Variants in COL4A5 observed in about 807,000 individuals in gnomAD.
COL4A5 encodes the protein collagen alpha-5(IV) chain.
A neutral mutation model predicts 130.2 loss-of-function variants in COL4A5; 26 were observed. The ratio of observed to expected loss-of-function variants is 0.20; its 90% CI spans 0.15 to 0.28. The LOEUF is 0.28. Among genes scored for constraint, COL4A5 ranks in the 10% least tolerant of loss-of-function variants. The probability of loss-of-function intolerance (pLI) is 1.00; values close to 1 mark genes in which losing one functional copy is unlikely to be tolerated. For synonymous variants in COL4A5, 496 were observed against 439.6 expected, an observed-to-expected ratio of 1.13 and a Z score of -1.60; for missense variants, 1,131 against 1,344.3, an observed-to-expected ratio of 0.84 and a Z score of 2.48.
At chrX:108,661,090 A>G (rs1009109665) in intron 37 of COL4A5, among the ~76,000 whole-genome samples, 1 of 112,295 alleles carries the variant, frequency 8.9e-6, no homozygotes, top group Non-Finnish European at 1.9e-5. Flanking sequence ...TATACGGCCT[A>G]AATGTATAAT....
rs761943626 is a variant in COL4A5 at position 108,439,968 on chromosome X, T to C, written c.-158T>C. 1.4e-4 allele frequency: 62 copies of C among 450,528 alleles called. No individual in the cohort carries two copies. In the South Asian group the frequency reaches 1.8e-3, roughly 13 times the overall value. The allele number at this position is 450,528 out of a possible 1,213,427, so 37.1% of individuals were successfully genotyped here. A position where few individuals can be genotyped will look rare whatever the true frequency, so the allele number is the denominator to read the frequency against. ...CTCCTTCTTCTTCTTCTTTTTTTTT[T>C]CTTCCACTCTTAAAAAGCTTCTTTC... On this transcript the variant is annotated 5_prime_UTR_variant, in exon 1 of 53. Transcript: ENST00000328300.
intron 1 of COL4A5, among the ~76,000 whole-genome samples, chrX:108,473,595 T>TTATATATATATATATG (rs1569474829): frequency 6.7e-5 from 4 of 59,560 alleles, no homozygotes; most frequent in Admixed American, 1.7e-4. Flanking sequence ...ATATAAAGTT[T>TTATATATATATATATG]TATATATATA....
chrX:108,481,626 T>G (rs1257897843), intron 1 of COL4A5, among the ~76,000 whole-genome samples: 1 of 111,895 alleles, frequency 8.9e-6, no homozygotes. Context: ...GCTGCTTCGC[T>G]TTTGCTGTCC....
intron 36 of COL4A5, 117 bp downstream of exon 36, chrX:108,626,466 A>G (rs769551357): frequency 2.5e-5 from 29 of 1,166,556 alleles, no homozygotes; most frequent in Admixed American, 1.4e-4. Flanking sequence ...TATATTCTGG[A>G]TAAGAGATTT....
At chrX:108,481,486 A>G (rs1201280155) in intron 1 of COL4A5, among the ~76,000 whole-genome samples, 2 of 111,853 alleles carry the variant, frequency 1.8e-5, no homozygotes, top group Admixed American at 9.5e-5. Context: ...GCTTTTGTCT[A>G]TTCAACCTAG....
Position 108,626,286 on chromosome X carries a change from G to A in COL4A5, c.3183G>A (p.Gln1061=), listed in dbSNP as rs1754941695. 8.3e-7 allele frequency: 1 copy of A among 1,211,083 alleles called. No individual in the cohort carries two copies. The part of the protein sequence containing the change: ...GQPGSPGLPG[Q]KGDKGDPGIS... Reference sequence around the variant, plus strand: ...CTGGCTCCCCAGGATTACCTGGACAGAAAGGCGACAAAGGTGATCCTGGTA... The same window carrying A: ...CTGGCTCCCCAGGATTACCTGGACAAAAAGGCGACAAAGGTGATCCTGGTA... Residue 1061 remains glutamine, a synonymous_variant, in exon 36 of 53, where the codon CAG becomes CAA. Transcript: ENST00000328300.
chrX:108,582,352 C>T (rs1444645282), intron 16 of COL4A5: 2 of 112,456 alleles, frequency 1.8e-5, no homozygotes, highest in African/African-American at 6.5e-5. Flanking sequence ...AGGCTGTTCT[C>T]TTGTTCTCTG....
Position 108,591,619 on chromosome X carries a change from A to T in COL4A5, c.1398A>T (p.Gly466=). 8.3e-7 allele frequency: 1 copy of T among 1,205,812 alleles called. No homozygotes were observed. The highest frequency in any genetic ancestry group is 1.1e-6 in the Non-Finnish European group (1 of 890,346). Residue 466 remains glycine, a synonymous_variant, in exon 21 of 53, where the codon GGA becomes GGT. Transcript: ENST00000328300. Reference sequence around the variant, plus strand: ...CCCCAGGATCTCCAGGTGATAAAGGACTCCAAGGAGAACAAGGAGTGAAAG... The same window carrying T: ...CCCCAGGATCTCCAGGTGATAAAGGTCTCCAAGGAGAACAAGGAGTGAAAG... ...PGPPGSPGDK[G]LQGEQGVKGD...
At chrX:108,647,488 C>T (rs1194143000) in intron 36 of COL4A5, among the ~76,000 whole-genome samples, 7 of 111,123 alleles carry the variant, frequency 6.3e-5, no homozygotes, top group Admixed American at 3.8e-4. Context: ...GGGGCTGAGA[C>T]GATGGGGTTT....
At chrX:108,691,510 CAT>C in intron 49 of COL4A5, among the ~76,000 whole-genome samples, 2 of 110,590 alleles carry the variant, frequency 1.8e-5, no homozygotes, top group South Asian at 7.4e-4. Flanking sequence ...ATTTATAATA[CAT>C]ATATTTTTAT....
At chrX:108,616,138 T>C (rs748680142) in intron 30 of COL4A5, among the ~76,000 whole-genome samples, 39 of 111,650 alleles carry the variant, frequency 3.5e-4, no homozygotes, top group African/African-American at 1.2e-3. Context: ...TTATCACTTA[T>C]GGAAAAAACA....
intron 36 of COL4A5, among the ~76,000 whole-genome samples, chrX:108,641,264 A>C: frequency 8.9e-6 from 1 of 111,883 alleles, no homozygotes; most frequent in Non-Finnish European, 1.9e-5. Context: ...TCTGCACAGA[A>C]ACTTGTACTT....
At chrX:108,469,055 A>G (rs190781187) in intron 1 of COL4A5, among the ~76,000 whole-genome samples, 228 of 100,232 alleles carry the variant, frequency 2.3e-3, no homozygotes, top group Middle Eastern at 0.01. Context: ...CAGATTTTCT[A>G]TTTTTTCTTG....
chrX:108,536,816 T>C (rs1435374696), intron 1 of COL4A5, among the ~76,000 whole-genome samples: 3 of 111,835 alleles, frequency 2.7e-5, no homozygotes, highest in African/African-American at 9.7e-5. Context: ...GATCATATTG[T>C]CTATGTATGC....
chrX:108,479,036 T>C (rs2064863580), intron 1 of COL4A5, among the ~76,000 whole-genome samples: 1 of 112,145 alleles, frequency 8.9e-6, no homozygotes, highest in Non-Finnish European at 1.9e-5. Flanking sequence ...GCTGAGCCCA[T>C]GCATAACCTC....
chrX:108,469,396 C>T (rs949613376), intron 1 of COL4A5, among the ~76,000 whole-genome samples: 14 of 109,898 alleles, frequency 1.3e-4, no homozygotes, highest in Non-Finnish European at 2.3e-4. Flanking sequence ...CCTCCTGCCT[C>T]GGTCTTCCAA....
chrX:108,440,272 G>A, intron 1 of COL4A5, 66 bp downstream of exon 1: 2 of 219,394 alleles, frequency 9.1e-6, no homozygotes, highest in South Asian at 9.9e-5. Context: ...CCTTTTTTTT[G>A]GGGGGGGGGT....
At chrX:108,547,390 C>G in intron 2 of COL4A5, among the ~76,000 whole-genome samples, 1 of 111,930 alleles carries the variant, frequency 8.9e-6, no homozygotes, top group South Asian at 3.7e-4. Context: ...ACCCTGTTTG[C>G]ATGGGTATCA....
chrX:108,497,801 T>C (rs1042109169), intron 1 of COL4A5, among the ~76,000 whole-genome samples: 21 of 111,758 alleles, frequency 1.9e-4, no homozygotes, highest in Non-Finnish European at 3.2e-4. Context: ...TGCTTGACTT[T>C]TTTCTTATTG....
Sources: allele counts gnomAD v4.1 joint callset (sites outside exome capture counted in the v4.1 genomes callset), GRCh38; gene constraint gnomAD v4.1.1; transcripts MANE v1.5; gene names NCBI Gene and HGNC (gene_info 2026-07-23, HGNC 2026-07-21).